The following RPA1 variants were observed in gnomAD, a reference collection of about 807,000 sequenced individuals.
RPA1 encodes replication protein A 70 kDa DNA-binding subunit.
A neutral mutation model predicts 83.0 loss-of-function variants in RPA1; 49 were observed. The observed-to-expected ratio is 0.59, with a 90% CI of 0.47 to 0.75. RPA1 has a LOEUF of 0.75. Among genes scored for constraint, RPA1 ranks in the 30% least tolerant of loss-of-function variants. RPA1 has a pLI of 0.00. For missense variants in RPA1, 693 were observed against 776.1 expected, an observed-to-expected ratio of 0.89 and a Z score of 1.27; for synonymous variants, 279 against 281.8, an observed-to-expected ratio of 0.99 and a Z score of 0.10.
chr17:1,859,752 T>C (rs1352797859), intron 5 of RPA1, among the ~76,000 whole-genome samples: 1 of 152,080 alleles, frequency 6.6e-6, no homozygotes, highest in African/African-American at 2.4e-5. Context: ...CACCTCCGCC[T>C]CCTGAGTAGC....
chr17:1,846,629 C>T (rs1912269931), intron 4 of RPA1, among the ~76,000 whole-genome samples: 1 of 152,038 alleles, frequency 6.6e-6, no homozygotes, highest in Admixed American at 6.6e-5. Context: ...CGTCCATATT[C>T]TTTTTTCTTC....
intron 1 of RPA1, among the ~76,000 whole-genome samples, chr17:1,841,485 A>T (rs1158432222): frequency 6.6e-6 from 1 of 151,942 alleles, no homozygotes; most frequent in East Asian, 1.9e-4. Context: ...TAAATTTTTG[A>T]TGGAAACAGG....
chr17:1,897,321 T>C lies in RPA1; in HGVS notation c.*146T>C. ...AGCAATTTCCCCCCTCGTGCGCATCTCAGAACCCATCGGTAGGCAAAGGAA... is the reference window on the plus strand; with the variant it reads ...AGCAATTTCCCCCCTCGTGCGCATCCCAGAACCCATCGGTAGGCAAAGGAA... On this transcript the variant is annotated 3_prime_UTR_variant, in exon 17 of 17. Transcript: ENST00000254719. 1.6e-6 allele frequency: 1 copy of C among 627,226 alleles called. No individual in the cohort carries two copies. 38.9% of individuals were successfully genotyped at this position (627,226 alleles called of 1,614,324 possible). A position where few individuals can be genotyped will look rare whatever the true frequency, so the allele number is the denominator to read the frequency against.
intron 5 of RPA1, among the ~76,000 whole-genome samples, chr17:1,865,982 T>G (rs987336903): frequency 2.6e-5 from 4 of 152,140 alleles, no homozygotes; most frequent in Admixed American, 2.6e-4. Context: ...GGCCCCCGCC[T>G]GTAATCCCGA....
rs76577341 is a variant in RPA1, at chr17:1,868,405, A to G, written c.362-4029A>G. ...GTATCCTCCCAGCACCTAATCCAGA[A>G]CTTGTGCCATGTGAGGTGACCAGTA... On this transcript the variant is annotated intron_variant, in intron 5 of 16. Transcript: ENST00000254719. Among the ~76,000 whole-genome samples, 761 of 152,292 alleles carry G rather than the reference A, an allele frequency of 5.0e-3. 4 individuals are homozygous for G. Among genetic ancestry groups the G allele is most frequent in the African/African-American group, 0.017 (719 of 41,560 alleles).
chr17:1,848,651 GCCT>G (rs972374709), intron 4 of RPA1, among the ~76,000 whole-genome samples: 1 of 137,086 alleles, frequency 7.3e-6, no homozygotes, highest in African/African-American at 2.7e-5. Context: ...TACAACCTCT[GCCT>G]CCCGAGTTCA....
intron 15 of RPA1, among the ~76,000 whole-genome samples, chr17:1,893,294 G>A (rs1014146761): frequency 5.3e-5 from 8 of 152,144 alleles, no homozygotes; most frequent in African/African-American, 1.4e-4. Context: ...TTTTTCTGCC[G>A]GTGAATGAGG....
chr17:1,838,152 G>A (rs954091876), intron 1 of RPA1, among the ~76,000 whole-genome samples: 2 of 151,674 alleles, frequency 1.3e-5, no homozygotes, highest in East Asian at 1.9e-4. Flanking sequence ...TTAGCTGGGC[G>A]TGGTGGCAGG....
chr17:1,832,843 AG>A (rs1911674095), intron 1 of RPA1, among the ~76,000 whole-genome samples: 1 of 152,198 alleles, frequency 6.6e-6, no homozygotes, highest in Admixed American at 6.5e-5. Flanking sequence ...GTAAATGCTC[AG>A]TGTTTATGTT....
chr17:1,868,980 A>G (rs1162197420), intron 5 of RPA1, among the ~76,000 whole-genome samples: 1 of 152,228 alleles, frequency 6.6e-6, no homozygotes, highest in Non-Finnish European at 1.5e-5. Context: ...TTATTATTGA[A>G]AGACATTAGT....
chr17:1,848,119 T>G (rs1477638423), intron 4 of RPA1, among the ~76,000 whole-genome samples: 1 of 152,210 alleles, frequency 6.6e-6, no homozygotes, highest in East Asian at 1.9e-4. Context: ...ACATGGTTTC[T>G]TTTGCTGATG....
chr17:1,897,850 C>T lies in RPA1; in HGVS notation c.*675C>T, dbSNP rs17734. ...GGACCGCTGATAAGCATTGACTTGC[C>T]GTCCCCTAAGGAAATCCGAGCGGCT... On this transcript the variant is annotated 3_prime_UTR_variant, in exon 17 of 17. Coordinates refer to ENST00000254719, the MANE Select transcript of RPA1 (RefSeq NM_002945.5). 73,764 of 152,568 alleles carry T rather than the reference C, an allele frequency of 0.48. 19,546 individuals carry two copies. The highest frequency in any genetic ancestry group is 0.59 in the Non-Finnish European group (40,352 of 68,006). 9.5% of individuals were successfully genotyped at this position (152,568 alleles called of 1,614,324 possible).
chr17:1,894,313 C>A (rs1196348936), intron 15 of RPA1, among the ~76,000 whole-genome samples: 1 of 151,968 alleles, frequency 6.6e-6, no homozygotes, highest in Non-Finnish European at 1.5e-5. Context: ...ATTACAGGCA[C>A]CTGCCACTAT....
chr17:1,880,341 C>T (rs936144320), intron 11 of RPA1, among the ~76,000 whole-genome samples: 13 of 152,318 alleles, frequency 8.5e-5, no homozygotes, highest in Admixed American at 3.3e-4. Context: ...CGGGGAAATG[C>T]TCTTTCCCCT....
rs552589749 is a variant in RPA1 at position 1,897,408 on chromosome 17, C to T, written c.*233C>T. On this transcript the variant is annotated 3_prime_UTR_variant, in exon 17 of 17. Transcript: ENST00000254719. ...GCCTACGGAGTCAGCCAGTGGCTAGCGCAAGACCAGTCACTCCCTCTGCCT... is the reference window on the plus strand; with the variant it reads ...GCCTACGGAGTCAGCCAGTGGCTAGTGCAAGACCAGTCACTCCCTCTGCCT... The T allele has an allele frequency of 1.1e-5, 5 of 450,016 alleles. No individual in the cohort carries two copies. The East Asian group carries it at 1.2e-4, about 11-fold the overall frequency. The allele number at this position is 450,016 out of a possible 1,614,324, so 27.9% of individuals were successfully genotyped here. A position where few individuals can be genotyped will look rare whatever the true frequency, so the allele number is the denominator to read the frequency against.
intron 5 of RPA1, among the ~76,000 whole-genome samples, chr17:1,861,170 A>G (rs1912948454): frequency 1.3e-5 from 2 of 151,980 alleles, no homozygotes; most frequent in South Asian, 4.2e-4. Context: ...TACCCAGGAA[A>G]CCTGCCACCC....
chr17:1,868,096 A>G (rs1333642799), intron 5 of RPA1, among the ~76,000 whole-genome samples: 4 of 152,120 alleles, frequency 2.6e-5, no homozygotes, highest in African/African-American at 4.8e-5. Flanking sequence ...GGGGGAAAAA[A>G]AAAGAAAATA....
Position 1,857,834 on chromosome 17 carries a change from C to T in RPA1, c.361+4645C>T, listed in dbSNP as rs542814240. Reference sequence around the variant, plus strand: ...AAAAAAGGGGAGTTTTTGCAGCCACCTCATCTTTAGAAACAAGGGGAAAAC... The same window carrying T: ...AAAAAAGGGGAGTTTTTGCAGCCACTTCATCTTTAGAAACAAGGGGAAAAC... On this transcript the variant is annotated intron_variant, in intron 5 of 16. Transcript: ENST00000254719. 1.4e-3 allele frequency among the ~76,000 whole-genome samples: 203 copies of T among 142,020 alleles called. 1 individual carries two copies. Among genetic ancestry groups the T allele is most frequent in the African/African-American group, 5.0e-3 (194 of 38,488 alleles). The allele number at this position is 142,020 out of a possible 152,430, so 93.2% of individuals were successfully genotyped here.
intron 4 of RPA1, among the ~76,000 whole-genome samples, chr17:1,849,289 CTTTTTTTTT>C (rs61062085): frequency 2.6e-5 from 3 of 116,316 alleles, no homozygotes; most frequent in Non-Finnish European, 5.2e-5. Context: ...GTTGGCTGTT[CTTTTTTTTT>C]TTTTTTTTTT....
Sources: gnomAD v4.1 joint callset for allele counts (sites outside exome capture counted in the v4.1 genomes callset) on GRCh38, gnomAD v4.1.1 for gene constraint, MANE v1.5 for transcripts, NCBI Gene and HGNC (gene_info 2026-07-23, HGNC 2026-07-21) for gene names.